Variants in INPP4B observed in about 807,000 individuals in gnomAD.
The protein encoded by INPP4B is inositol polyphosphate 4-phosphatase type II.
A neutral mutation model predicts 122.5 loss-of-function variants in INPP4B; 55 were observed. That is an observed-to-expected ratio of 0.45 (90% confidence interval 0.36 to 0.56). The LOEUF is 0.56. INPP4B is among the 20% of genes least tolerant of loss of function. The probability of loss-of-function intolerance (pLI) is 0.00; values close to 1 mark genes in which losing one functional copy is unlikely to be tolerated. For synonymous variants in INPP4B, 403 were observed against 388.7 expected (o/e 1.04, Z -0.43); for missense variants, 1,000 against 1,097.7 (o/e 0.91, Z 1.26).
intron 1 of INPP4B, among the ~76,000 whole-genome samples, chr4:142,744,560 A>C (rs540327981): frequency 5.3e-5 from 8 of 151,978 alleles, no homozygotes; most frequent in Non-Finnish European, 8.8e-5. Context: ...ACTACAGGGA[A>C]CAATAATGAA....
chr4:142,508,864 T>A (rs561701616), intron 2 of INPP4B, among the ~76,000 whole-genome samples: 153 of 152,294 alleles, frequency 1.0e-3, no homozygotes, highest in African/African-American at 3.5e-3. Flanking sequence ...TTAAACATTT[T>A]AAAATGCACA....
intron 21 of INPP4B, among the ~76,000 whole-genome samples, chr4:142,118,833 A>C (rs1265166139): frequency 5.3e-5 from 8 of 152,238 alleles, no homozygotes; most frequent in African/African-American, 9.6e-5. Context: ...ACAGCAAAAG[A>C]AACCACCATC....
intron 7 of INPP4B, among the ~76,000 whole-genome samples, chr4:142,347,732 A>G (rs1994555): frequency 0.42 from 63,779 of 151,846 alleles, 14,195 homozygotes; most frequent in Non-Finnish European, 0.51. Flanking sequence ...GACTGAAAAG[A>G]AAAGCATTCA....
intron 25 of INPP4B, chr4:142,029,955 C>A: frequency 7.6e-7 from 1 of 1,317,082 alleles, no homozygotes. Context: ...GCAAAATAAT[C>A]CACCTAATGC....
intron 2 of INPP4B, among the ~76,000 whole-genome samples, chr4:142,471,035 T>C (rs1480048102): frequency 6.6e-6 from 1 of 152,216 alleles, no homozygotes; most frequent in Non-Finnish European, 1.5e-5. Context: ...TATTTAAAAG[T>C]TGTATATCTC....
chr4:142,285,052 G>A (rs1752897717), intron 9 of INPP4B, among the ~76,000 whole-genome samples: 1 of 152,012 alleles, frequency 6.6e-6, no homozygotes, highest in African/African-American at 2.4e-5. Flanking sequence ...GGACAGAGCA[G>A]GACTTCACAT....
intron 5 of INPP4B, among the ~76,000 whole-genome samples, chr4:142,424,668 A>G (rs943024295): frequency 3.3e-5 from 5 of 152,104 alleles, no homozygotes; most frequent in African/African-American, 1.2e-4. Flanking sequence ...TTATGAATGT[A>G]TGTTTCACTC....
intron 15 of INPP4B, among the ~76,000 whole-genome samples, chr4:142,181,551 T>C (rs890546419): frequency 1.6e-4 from 24 of 152,202 alleles, no homozygotes; most frequent in Admixed American, 6.5e-5. Context: ...TACATTCAGC[T>C]CTACATACCT....
At chr4:142,614,713 T>G (rs1033369671) in intron 2 of INPP4B, among the ~76,000 whole-genome samples, 3 of 151,836 alleles carry the variant, frequency 2.0e-5, no homozygotes, top group East Asian at 1.9e-4. Context: ...ACAACCACAT[T>G]AAAAAGTAGA....
At chr4:142,123,537 A>G in intron 19 of INPP4B, 122 bp from the exon 20 acceptor site, 1 of 895,392 alleles carries the variant, frequency 1.1e-6, no homozygotes, top group Non-Finnish European at 1.7e-6. Flanking sequence ...ACAAAACTAC[A>G]ACTATTTGGT....
intron 17 of INPP4B, among the ~76,000 whole-genome samples, chr4:142,157,567 C>A (rs967622563): frequency 2.6e-5 from 4 of 152,010 alleles, no homozygotes; most frequent in Admixed American, 6.6e-5. Flanking sequence ...ATGCAGAGAG[C>A]AATGCAGCCC....
At chr4:142,127,074 C>A (rs1798946035) in intron 18 of INPP4B, among the ~76,000 whole-genome samples, 2 of 152,136 alleles carry the variant, frequency 1.3e-5, no homozygotes, top group African/African-American at 4.8e-5. Flanking sequence ...ATCTTCTGTG[C>A]AGTAGGTGGC....
chr4:142,464,512 C>G (rs890131701), intron 2 of INPP4B, among the ~76,000 whole-genome samples: 1 of 151,472 alleles, frequency 6.6e-6, no homozygotes, highest in Admixed American at 6.6e-5. Context: ...TAAATTATAC[C>G]AGGACTCATT....
At chr4:142,427,195 T>C (rs1466000481) in intron 5 of INPP4B, 1 of 216,362 alleles carries the variant, frequency 4.6e-6, no homozygotes, top group African/African-American at 2.3e-5. Flanking sequence ...AGAAATGGTG[T>C]AGTTGAAGAT....
At chr4:142,533,747 C>T (rs1344258315) in intron 2 of INPP4B, among the ~76,000 whole-genome samples, 1 of 152,098 alleles carries the variant, frequency 6.6e-6, no homozygotes, top group Non-Finnish European at 1.5e-5. Flanking sequence ...AAGAATATGA[C>T]CCACCCTGAA....
intron 2 of INPP4B, among the ~76,000 whole-genome samples, chr4:142,555,985 C>T (rs72726450): frequency 0.048 from 7,309 of 151,892 alleles, 224 homozygotes; most frequent in Non-Finnish European, 0.053. Context: ...TTTCAGCAAG[C>T]GAGGAGAGTT....
chr4:142,522,651 T>A (rs971782647), intron 2 of INPP4B, among the ~76,000 whole-genome samples: 7 of 152,022 alleles, frequency 4.6e-5, no homozygotes, highest in African/African-American at 1.7e-4. Context: ...ACCTGCTTAA[T>A]CATACAAGAA....
intron 19 of INPP4B, 49 bp downstream of exon 19, chr4:142,124,539 G>A: frequency 6.7e-7 from 1 of 1,502,304 alleles, no homozygotes; most frequent in Non-Finnish European, 9.3e-7. Context: ...AGGATAGGAT[G>A]TTAACAATCC....
intron 1 of INPP4B, among the ~76,000 whole-genome samples, chr4:142,821,601 G>C (rs1012555881): frequency 6.6e-6 from 1 of 151,536 alleles, no homozygotes; most frequent in Non-Finnish European, 1.5e-5. Flanking sequence ...TGTTTATTTT[G>C]TGAATTTCCA....
Sources: gnomAD v4.1 joint callset for allele counts (sites outside exome capture counted in the v4.1 genomes callset) on GRCh38, gnomAD v4.1.1 for gene constraint, MANE v1.5 for transcripts, NCBI Gene and HGNC (gene_info 2026-07-23, HGNC 2026-07-21) for gene names.